Variants in NFATC2 observed in about 807,000 individuals in gnomAD.
NFATC2 encodes the protein nuclear factor of activated T-cells, cytoplasmic 2.
NFATC2 carries 22 observed loss-of-function variants against 87.3 expected under a neutral mutation model. That is an observed-to-expected ratio of 0.25 (90% CI 0.18 to 0.36). The LOEUF (loss-of-function observed/expected upper bound fraction) is 0.36, where lower values mean the gene tolerates loss of function less well. Ranked by LOEUF, NFATC2 falls within the 10% of genes least tolerant of loss-of-function variation. NFATC2 has a pLI of 1.00. For missense variants in NFATC2, 1,149 were observed against 1,259.1 expected (o/e 0.91, Z 1.32); for synonymous variants, 565 against 542.2 (o/e 1.04, Z -0.58).
chr20:51,500,668 C>G (rs1485018789), intron 3 of NFATC2, among the ~76,000 whole-genome samples: 1 of 109,610 alleles, frequency 9.1e-6, no homozygotes, highest in Non-Finnish European at 1.9e-5. Flanking sequence ...TCCACCCCCA[C>G]CCTCACCACC....
intron 9 of NFATC2, among the ~76,000 whole-genome samples, chr20:51,404,963 G>A (rs537219844): frequency 7.2e-5 from 11 of 152,286 alleles, no homozygotes; most frequent in African/African-American, 1.4e-4. Context: ...GCCACACCAC[G>A]TGCCAAACTG....
intron 6 of NFATC2, among the ~76,000 whole-genome samples, chr20:51,448,324 T>C (rs946075499): frequency 1.3e-5 from 2 of 151,904 alleles, no homozygotes; most frequent in Non-Finnish European, 2.9e-5. Flanking sequence ...CTGGGAGGAA[T>C]AGGAGGCCGC....
At position 51,412,949 on chromosome 20, in the gene NFATC2, C is replaced by T. The variant is rs1424488409; in HGVS notation, c.2723-14219G>A. ...GAAGCACAGGATGAGGCCGCCGACC[C>T]CACCCCCGCCCCACCGACCCCGGCC... On this transcript the variant is annotated intron_variant, in intron 9 of 10. Coordinates refer to ENST00000371564, the MANE Select transcript of NFATC2 (RefSeq NM_012340.5). Among the ~76,000 whole-genome samples the T allele has an allele frequency of 5.0e-5, 5 of 100,046 alleles. No homozygotes were observed. The East Asian group carries it at 9.7e-4, about 20-fold the overall frequency. The allele number at this position is 100,046 out of a possible 152,430, so 65.6% of individuals were successfully genotyped here. A position where few individuals can be genotyped will look rare whatever the true frequency, so the allele number is the denominator to read the frequency against.
intron 2 of NFATC2, among the ~76,000 whole-genome samples, chr20:51,520,046 C>A (rs1395144376): frequency 2.6e-5 from 4 of 152,156 alleles, no homozygotes; most frequent in Non-Finnish European, 5.9e-5. Flanking sequence ...TTCCCTGATG[C>A]CCCATCCTCT....
intron 3 of NFATC2, among the ~76,000 whole-genome samples, chr20:51,499,273 C>G (rs58081719): frequency 6.6e-6 from 1 of 152,122 alleles, no homozygotes; most frequent in Non-Finnish European, 1.5e-5. Context: ...GTCACCCAGA[C>G]AAGAGATGAT....
intron 9 of NFATC2, among the ~76,000 whole-genome samples, chr20:51,426,066 G>A (rs1981782687): frequency 6.6e-6 from 1 of 152,234 alleles, no homozygotes; most frequent in Admixed American, 6.5e-5. Context: ...TCCCATGGAA[G>A]AAGCAGGGCA....
At chr20:51,461,860 A>C (rs924597721) in intron 5 of NFATC2, among the ~76,000 whole-genome samples, 2 of 152,246 alleles carry the variant, frequency 1.3e-5, no homozygotes, top group African/African-American at 4.8e-5. Context: ...TCACCCCTGT[A>C]ATCCCAGCAC....
At chr20:51,429,083 C>T (rs1312260554) in intron 9 of NFATC2, among the ~76,000 whole-genome samples, 3 of 152,234 alleles carry the variant, frequency 2.0e-5, no homozygotes, top group African/African-American at 7.2e-5. Flanking sequence ...CAAACCAAGA[C>T]GTCCAAATCT....
chr20:51,461,621 C>T (rs754423602), intron 5 of NFATC2, among the ~76,000 whole-genome samples: 2 of 152,246 alleles, frequency 1.3e-5, no homozygotes, highest in Non-Finnish European at 2.9e-5. Context: ...GCAGCAGCCA[C>T]CGCAAAGGTT....
At position 51,524,246 on chromosome 20, in the gene NFATC2, A is replaced by G; in HGVS notation, c.131-136T>C. The G allele has an allele frequency of 1.3e-6, 1 of 780,880 alleles. No homozygotes were observed. Among genetic ancestry groups the G allele is most frequent in the Non-Finnish European group, 1.8e-6 (1 of 558,870 alleles). The allele number at this position is 780,880 out of a possible 1,614,324, so 48.4% of individuals were successfully genotyped here. A position where few individuals can be genotyped will look rare whatever the true frequency, so the allele number is the denominator to read the frequency against. On this transcript the variant is annotated intron_variant, in intron 1 of 10. Coordinates refer to ENST00000371564, the MANE Select transcript of NFATC2 (RefSeq NM_012340.5). This position sits in a 1 kb window ranked among gnomAD's most constrained non-coding sequence, Gnocchi z 4.0. ...CCCACCATGCCAAACCCCAAGCTAG[A>G]AGCTCCGTCCCTCACCAGAAGAAAA... is the stretch of plus-strand genomic sequence containing the variant.
intron 1 of NFATC2, among the ~76,000 whole-genome samples, chr20:51,557,932 G>A (rs890928273): frequency 4.6e-5 from 7 of 152,212 alleles, no homozygotes; most frequent in African/African-American, 1.4e-4. Context: ...CCATCAGTGT[G>A]ATAAGTACCA....
upstream of NFATC2, chr20:51,542,749 CGGGGGGGG>C (rs1167272535): frequency 7.8e-3 from 33 of 4,258 alleles, 5 homozygotes; most frequent in African/African-American, 0.038. Flanking sequence ...CCCGGGGAGG[CGGGGGGGG>C]GGGGGGCGTG....
intron 3 of NFATC2, among the ~76,000 whole-genome samples, chr20:51,513,045 C>T (rs1422608775): frequency 6.6e-6 from 1 of 152,068 alleles, no homozygotes; most frequent in African/African-American, 2.4e-5. Context: ...ACTGACTTCC[C>T]ATGCTAAAAA....
rs896088900 is a variant in NFATC2, at chr20:51,533,062, C to T, written c.131-8952G>A. ...CTGGGTTTGGGACATGACAGTCTGT[C>T]GCCAAGGCAGCACTTAGGATGCCAC... On this transcript the variant is annotated intron_variant, in intron 1 of 10. Transcript: ENST00000371564. Among the ~76,000 whole-genome samples the T allele has an allele frequency of 5.3e-5, 8 of 152,348 alleles. No individual in the cohort carries two copies. In the South Asian group the frequency reaches 6.2e-4, roughly 12 times the overall value.
At chr20:51,481,622 G>A (rs926013858) in intron 3 of NFATC2, among the ~76,000 whole-genome samples, 4 of 152,120 alleles carry the variant, frequency 2.6e-5, no homozygotes, top group African/African-American at 9.7e-5. Flanking sequence ...CGTCTGCGGG[G>A]GTGGGGGCCC....
intron 10 of NFATC2, among the ~76,000 whole-genome samples, chr20:51,393,426 A>T (rs914538172): frequency 2.8e-5 from 4 of 141,692 alleles, no homozygotes; most frequent in South Asian, 2.2e-4. Flanking sequence ...TTAGATATGT[A>T]TTAGAAATAC....
intron 9 of NFATC2, among the ~76,000 whole-genome samples, chr20:51,426,343 T>C (rs1042373977): frequency 6.6e-6 from 1 of 152,106 alleles, no homozygotes; most frequent in African/African-American, 2.4e-5. Flanking sequence ...CCAGGCGTGC[T>C]GGCAGGCACC....
At chr20:51,423,912 A>T (rs1181620678) in intron 9 of NFATC2, among the ~76,000 whole-genome samples, 3 of 152,218 alleles carry the variant, frequency 2.0e-5, no homozygotes, top group Non-Finnish European at 4.4e-5. Flanking sequence ...AATTTCAAAA[A>T]GATCACTGAG....
chr20:51,490,323 G>A (rs2075861111), intron 3 of NFATC2, among the ~76,000 whole-genome samples: 1 of 152,216 alleles, frequency 6.6e-6, no homozygotes, highest in Admixed American at 6.5e-5. Flanking sequence ...CAGCTAAGAA[G>A]AGAGAAGCCA....
Sources: gnomAD v4.1 joint callset for allele counts (sites outside exome capture counted in the v4.1 genomes callset) on GRCh38, gnomAD v4.1.1 for gene constraint, Gnocchi (gnomAD v3.1) non-coding constraint, MANE v1.5 for transcripts, NCBI Gene and HGNC (gene_info 2026-07-23, HGNC 2026-07-21) for gene names.